The following EXOC4 variants were observed in gnomAD, a reference collection of about 807,000 sequenced individuals.
EXOC4 encodes SEC8-like 1.
Under a neutral mutation model 107.2 loss-of-function variants are expected in EXOC4, and 71 were observed. The ratio of observed to expected loss-of-function variants is 0.66; its 90% CI spans 0.55 to 0.81. EXOC4 has a LOEUF of 0.81. EXOC4 is among the 30% of genes least tolerant of loss of function. The pLI, the probability that EXOC4 is intolerant of heterozygous loss-of-function variation, is 0.00. For synonymous variants in EXOC4, 456 were observed against 441.2 expected (o/e 1.03, Z -0.42); for missense variants, 1,108 against 1,189.6 (o/e 0.93, Z 1.01).
Position 133,374,843 on chromosome 7 carries a change from G to C in EXOC4, c.1023G>C (p.Leu341=). Residue 341 remains leucine, a synonymous_variant, in exon 7 of 18, where the codon CTG becomes CTC. Transcript: ENST00000253861. ...VENQPRLLLE[L]LELLFDKFNA... The stretch of plus-strand genomic sequence containing the variant: ...ATGCCACTAGGTTGCTTCTAGAACT[G>C]CTGGAGTTACTGTTTGACAAGTTTA... The C allele has an allele frequency of 1.2e-6, 2 of 1,613,302 alleles. No homozygotes were observed. Among genetic ancestry groups the C allele is most frequent in the Non-Finnish European group, 1.7e-6 (2 of 1,179,400 alleles).
intron 5 of EXOC4, among the ~76,000 whole-genome samples, chr7:133,340,094 C>T (rs1365641403): frequency 6.6e-6 from 1 of 152,152 alleles, no homozygotes; most frequent in Non-Finnish European, 1.5e-5. Context: ...TTCCAGTTCT[C>T]AGGGGGAGTG....
At chr7:133,358,323 T>TGA (rs1208270580) in intron 6 of EXOC4, among the ~76,000 whole-genome samples, 2 of 152,328 alleles carry the variant, frequency 1.3e-5, no homozygotes, top group African/African-American at 4.8e-5. Flanking sequence ...TAACCTGTCT[T>TGA]ACAGTGTTGC....
intron 7 of EXOC4, among the ~76,000 whole-genome samples, chr7:133,452,580 C>T (rs757952802): frequency 1.3e-5 from 2 of 148,314 alleles, no homozygotes; most frequent in Non-Finnish European, 3.0e-5. Context: ...CTGTGCATCT[C>T]GTATGTCCAG....
intron 12 of EXOC4, among the ~76,000 whole-genome samples, chr7:133,899,169 C>G (rs1374247788): frequency 6.6e-6 from 1 of 151,628 alleles, no homozygotes; most frequent in East Asian, 1.9e-4. Context: ...AACTTTCTTA[C>G]AAATAATAAT....
At chr7:134,050,095 G>A (rs918558483) in intron 17 of EXOC4, among the ~76,000 whole-genome samples, 1 of 152,096 alleles carries the variant, frequency 6.6e-6, no homozygotes, top group Non-Finnish European at 1.5e-5. Context: ...AGATATATTT[G>A]TGTGTTTATA....
chr7:133,515,324 AGTGT>A (rs1398464867), intron 9 of EXOC4, among the ~76,000 whole-genome samples: 1 of 130,698 alleles, frequency 7.7e-6, no homozygotes, highest in Non-Finnish European at 1.7e-5. Flanking sequence ...CAGTAGCCCA[AGTGT>A]GCATACACAC....
At chr7:133,331,976 G>A (rs1212370603) in intron 5 of EXOC4, among the ~76,000 whole-genome samples, 1 of 152,202 alleles carries the variant, frequency 6.6e-6, no homozygotes, top group Non-Finnish European at 1.5e-5. Context: ...TAGGTAGAAG[G>A]ATGGGAGAAG....
chr7:133,343,352 G>A (rs972639172), intron 5 of EXOC4, among the ~76,000 whole-genome samples: 3 of 152,058 alleles, frequency 2.0e-5, no homozygotes, highest in Non-Finnish European at 4.4e-5. Flanking sequence ...GGGGGTTTCT[G>A]CAAAGAGTCT....
intron 14 of EXOC4, among the ~76,000 whole-genome samples, chr7:133,979,799 A>T (rs370946423): frequency 2.2e-4 from 34 of 151,920 alleles, no homozygotes; most frequent in Admixed American, 7.9e-4. Context: ...AAAAAAAAGA[A>T]AAAAAAACCC....
intron 10 of EXOC4, 129 bp from the exon 11 acceptor site, chr7:133,817,196 G>A (rs1797392547): frequency 4.9e-6 from 3 of 611,472 alleles, no homozygotes; most frequent in Non-Finnish European, 8.8e-6. Flanking sequence ...ATTATATAGA[G>A]ATGAGTATTA....
chr7:133,879,500 A>G (rs1798920007), intron 11 of EXOC4, among the ~76,000 whole-genome samples: 1 of 152,224 alleles, frequency 6.6e-6, no homozygotes. Flanking sequence ...TACTTGAAAG[A>G]TAGCACAAAT....
At chr7:133,370,246 G>A (rs975423238) in intron 6 of EXOC4, among the ~76,000 whole-genome samples, 3 of 149,906 alleles carry the variant, frequency 2.0e-5, no homozygotes, top group African/African-American at 7.4e-5. Flanking sequence ...ATAGCCTCAG[G>A]TCCTTACGAA....
Position 133,419,988 on chromosome 7 carries a change from A to G in EXOC4, c.1182+44986A>G, listed in dbSNP as rs1271407828. Among the ~76,000 whole-genome samples, 8 of 135,136 alleles carry G rather than the reference A, an allele frequency of 5.9e-5. No individual in the cohort carries two copies. The South Asian group carries it at 1.2e-3, about 20-fold the overall frequency. The allele number at this position is 135,136 out of a possible 152,430, so 88.7% of individuals were successfully genotyped here. A position where few individuals can be genotyped will look rare whatever the true frequency, so the allele number is the denominator to read the frequency against. ...TCTTTTTTTTTTTTTTTTTTATTATACTTTAAGTTTTAGGGTACATGTGCA... is the reference window on the plus strand; with the variant it reads ...TCTTTTTTTTTTTTTTTTTTATTATGCTTTAAGTTTTAGGGTACATGTGCA... On this transcript the variant is annotated intron_variant, in intron 7 of 17. Coordinates refer to ENST00000253861, the MANE Select transcript of EXOC4 (RefSeq NM_021807.4).
intron 7 of EXOC4, among the ~76,000 whole-genome samples, chr7:133,382,362 A>G (rs1796636996): frequency 6.6e-6 from 1 of 152,174 alleles, no homozygotes; most frequent in South Asian, 2.1e-4. Context: ...TTAGTGTTAA[A>G]TTATTGGGAC....
chr7:134,013,343 C>T (rs1794816344), intron 17 of EXOC4, among the ~76,000 whole-genome samples: 1 of 152,132 alleles, frequency 6.6e-6, no homozygotes, highest in African/African-American at 2.4e-5. Flanking sequence ...GAGATACATT[C>T]TGTGAAATAC....
chr7:133,292,036 C>T (rs1464040579), intron 3 of EXOC4, among the ~76,000 whole-genome samples: 3 of 152,096 alleles, frequency 2.0e-5, no homozygotes, highest in African/African-American at 7.2e-5. Context: ...GAGATTCTCT[C>T]ATCTTGCTAT....
At chr7:133,600,219 A>G (rs1179055744) in intron 9 of EXOC4, among the ~76,000 whole-genome samples, 4 of 152,082 alleles carry the variant, frequency 2.6e-5, no homozygotes, top group South Asian at 2.1e-4. Context: ...AGGTCTTTGA[A>G]TGTTGCTTGC....
intron 9 of EXOC4, among the ~76,000 whole-genome samples, chr7:133,592,056 C>G (rs532856685): frequency 6.6e-6 from 1 of 151,698 alleles, no homozygotes; most frequent in Non-Finnish European, 1.5e-5. Flanking sequence ...GCAGGCATTT[C>G]TTTTCTTTTT....
At chr7:133,902,042 C>T (rs1365367917) in intron 12 of EXOC4, among the ~76,000 whole-genome samples, 2 of 152,214 alleles carry the variant, frequency 1.3e-5, no homozygotes. Flanking sequence ...GTGACCTATT[C>T]TTCGTGAGAT....
Sources: allele counts gnomAD v4.1 joint callset (sites outside exome capture counted in the v4.1 genomes callset), GRCh38; gene constraint gnomAD v4.1.1; transcripts MANE v1.5; gene names NCBI Gene and HGNC (gene_info 2026-07-23, HGNC 2026-07-21).